Variants in TBC1D22A observed in about 807,000 individuals in gnomAD.
TBC1D22A encodes putative GTPase activator.
Under a neutral mutation model 60.2 loss-of-function variants are expected in TBC1D22A, and 38 were observed. That is an observed-to-expected ratio of 0.63 (90% CI 0.49 to 0.83). The LOEUF is 0.83. Ranked by LOEUF, TBC1D22A falls within the 40% of genes least tolerant of loss-of-function variation. The pLI is 0.00. For synonymous variants in TBC1D22A, 302 were observed against 281.7 expected (o/e 1.07, Z -0.72); for missense variants, 628 against 701.0 (o/e 0.90, Z 1.18).
chr22:46,866,857 T>C (rs1317417973), intron 4 of TBC1D22A, among the ~76,000 whole-genome samples: 2 of 152,262 alleles, frequency 1.3e-5, no homozygotes, highest in African/African-American at 4.8e-5. Flanking sequence ...CAAGAGCTTG[T>C]ATCCTTACTG....
chr22:47,008,102 T>C (rs892677988), intron 10 of TBC1D22A, among the ~76,000 whole-genome samples: 2 of 152,102 alleles, frequency 1.3e-5, no homozygotes, highest in African/African-American at 4.8e-5. Context: ...TGAAATCGAG[T>C]CTTTGAAGCT....
chr22:47,155,625 G>GT (rs1186794393), intron 12 of TBC1D22A, among the ~76,000 whole-genome samples: 1 of 152,226 alleles, frequency 6.6e-6, no homozygotes, highest in Non-Finnish European at 1.5e-5. Context: ...GCGAGGACGC[G>GT]TAACACTTGA....
intron 11 of TBC1D22A, among the ~76,000 whole-genome samples, chr22:47,041,498 C>T (rs758398827): frequency 6.6e-6 from 1 of 152,228 alleles, no homozygotes; most frequent in Admixed American, 6.5e-5. Context: ...CAGGACACTT[C>T]TATACATGGA....
intron 11 of TBC1D22A, among the ~76,000 whole-genome samples, chr22:47,108,185 C>G (rs1256626931): frequency 6.6e-6 from 1 of 152,214 alleles, no homozygotes; most frequent in Admixed American, 6.5e-5. Context: ...TATGATCCAG[C>G]TGTTCTATTC....
chr22:47,100,838 C>T (rs966480077), intron 11 of TBC1D22A, among the ~76,000 whole-genome samples: 12 of 152,314 alleles, frequency 7.9e-5, no homozygotes, highest in East Asian at 1.9e-4. Flanking sequence ...CTCCCCTTCC[C>T]GCAGTAGGCT....
intron 9 of TBC1D22A, among the ~76,000 whole-genome samples, chr22:46,985,179 C>T (rs1569305123): frequency 1.3e-5 from 2 of 152,196 alleles, no homozygotes; most frequent in South Asian, 4.1e-4. Flanking sequence ...CGCACTCCAG[C>T]TGAGCTCTGA....
intron 1 of TBC1D22A, among the ~76,000 whole-genome samples, chr22:46,775,410 A>G (rs765055605): frequency 3.9e-5 from 6 of 152,056 alleles, no homozygotes; most frequent in East Asian, 3.9e-4. Context: ...TATAGAATCT[A>G]TGACTATTTT....
At chr22:47,171,195 A>T (rs2068433910) in intron 12 of TBC1D22A, among the ~76,000 whole-genome samples, 1 of 152,182 alleles carries the variant, frequency 6.6e-6, no homozygotes, top group Non-Finnish European at 1.5e-5. Context: ...CAGGATGTGA[A>T]CTTCAGAGCC....
chr22:47,025,221 A>G (rs2062215772), intron 10 of TBC1D22A, among the ~76,000 whole-genome samples: 1 of 152,238 alleles, frequency 6.6e-6, no homozygotes, highest in Non-Finnish European at 1.5e-5. Flanking sequence ...AAATCAGGTT[A>G]TAAGAAGCTT....
chr22:46,993,135 G>A (rs979387589), intron 9 of TBC1D22A, among the ~76,000 whole-genome samples: 3 of 152,174 alleles, frequency 2.0e-5, no homozygotes, highest in African/African-American at 7.2e-5. Context: ...ACTTCCAGGT[G>A]AGCTGATAGG....
chr22:46,807,394 T>A (rs548333125), intron 4 of TBC1D22A, among the ~76,000 whole-genome samples: 1 of 152,314 alleles, frequency 6.6e-6, no homozygotes, highest in East Asian at 1.9e-4. Flanking sequence ...GCTGAGGACT[T>A]CTGTCCTGTC....
intron 11 of TBC1D22A, among the ~76,000 whole-genome samples, chr22:47,071,778 C>T (rs2147513160): frequency 6.6e-6 from 1 of 152,210 alleles, no homozygotes; most frequent in South Asian, 2.1e-4. Context: ...GTTATTTCCT[C>T]ATTTGAATTT....
chr22:46,820,761 T>C (rs2085791922), intron 4 of TBC1D22A, among the ~76,000 whole-genome samples: 2 of 152,250 alleles, frequency 1.3e-5, no homozygotes, highest in African/African-American at 4.8e-5. Flanking sequence ...GGTCCAGAGC[T>C]GAGTTCAAGT....
chr22:46,963,683 G>A (rs1219674584), intron 8 of TBC1D22A, among the ~76,000 whole-genome samples: 2 of 152,244 alleles, frequency 1.3e-5, no homozygotes, highest in Non-Finnish European at 2.9e-5. Flanking sequence ...CCGGGCCCAG[G>A]TGCCACTCCG....
chr22:46,782,852 G>A (rs761619353), intron 1 of TBC1D22A, among the ~76,000 whole-genome samples: 23 of 152,308 alleles, frequency 1.5e-4, no homozygotes, highest in East Asian at 1.4e-3. Flanking sequence ...GTTAGGCCAC[G>A]TTGTATTGAC....
At position 46,913,309 on chromosome 22, in the gene TBC1D22A, T is replaced by C. The variant is rs147511580; in HGVS notation, c.1015+1121T>C. Reference sequence around the variant, plus strand: ...AAGCCTTCTGGACTTGGTGCTCGCCTGTTGTTATTACATGGTGTTTTTAGC... The same window carrying C: ...AAGCCTTCTGGACTTGGTGCTCGCCCGTTGTTATTACATGGTGTTTTTAGC... On this transcript the variant is annotated intron_variant, in intron 8 of 12. Coordinates refer to ENST00000337137, the MANE Select transcript of TBC1D22A (RefSeq NM_014346.5). 75 of 1,363,792 alleles carry C rather than the reference T, an allele frequency of 5.5e-5. No homozygotes were observed. The African/African-American group carries it at 9.9e-4, about 18-fold the overall frequency. The allele number at this position is 1,363,792 out of a possible 1,614,324, so 84.5% of individuals were successfully genotyped here.
intron 8 of TBC1D22A, among the ~76,000 whole-genome samples, chr22:46,947,171 CCAGTTTGAATGGGGAAAA>C (rs2072599249): frequency 6.6e-6 from 1 of 152,080 alleles, no homozygotes; most frequent in Admixed American, 6.5e-5. Context: ...TAATAGGTCC[CCAGTTTGAATGGGGAAAA>C]CATTTGCTGT....
In TBC1D22A at chr22:46,902,334, A is replaced by G. The variant is rs566399589; in HGVS notation, c.900+7488A>G. Among the ~76,000 whole-genome samples, 140 of 152,376 alleles carry G rather than the reference A, an allele frequency of 9.2e-4. 1 individual carries two copies. The highest frequency in any genetic ancestry group is 3.3e-3 in the African/African-American group (136 of 41,582). ...TATTGTTGAGTATTAACTGATTTGC[A>G]GAAAAGATACTTTGGGAAGAGTTTA... On this transcript the variant is annotated intron_variant, in intron 7 of 12. Transcript: ENST00000337137.
chr22:46,939,371 T>C (rs1429243961), intron 8 of TBC1D22A, among the ~76,000 whole-genome samples: 1 of 152,226 alleles, frequency 6.6e-6, no homozygotes, highest in Non-Finnish European at 1.5e-5. Context: ...ATGAAGGGAA[T>C]ATGGTTTCTC....
Sources: allele counts gnomAD v4.1 joint callset (sites outside exome capture counted in the v4.1 genomes callset), GRCh38; gene constraint gnomAD v4.1.1; transcripts MANE v1.5; gene names NCBI Gene and HGNC (gene_info 2026-07-23, HGNC 2026-07-21).